CADM2: variants seen among roughly 807,000 people sequenced by gnomAD.
CADM2 encodes immunoglobulin superfamily member 4D.
Under a neutral mutation model 49.8 loss-of-function variants are expected in CADM2, and 12 were observed. That is an observed-to-expected ratio of 0.24 (90% CI 0.15 to 0.39). The LOEUF (loss-of-function observed/expected upper bound fraction) is 0.39, where lower values mean the gene tolerates loss of function less well. Ranked by LOEUF, CADM2 falls within the 10% of genes least tolerant of loss-of-function variation. The probability of loss-of-function intolerance (pLI) is 1.00; values close to 1 mark genes in which losing one functional copy is unlikely to be tolerated. For synonymous variants in CADM2, 214 were observed against 175.4 expected (o/e 1.22, Z -1.74); for missense variants, 378 against 492.3 (o/e 0.77, Z 2.20).
At chr3:85,918,404 G>C (rs1718664478) in intron 6 of CADM2, among the ~76,000 whole-genome samples, 2 of 152,132 alleles carry the variant, frequency 1.3e-5, no homozygotes, top group Non-Finnish European at 2.9e-5. Flanking sequence ...AGCATCTATT[G>C]AGATAATCAT....
rs145522400 is a variant in CADM2, at chr3:85,266,004, A to G, written c.61+306336A>G. ...AGAGCCAAAGTTGTCAACTTTTCAAACAGTAACTTGTTTTCTATGCCCTTA... is the reference window on the plus strand; with the variant it reads ...AGAGCCAAAGTTGTCAACTTTTCAAGCAGTAACTTGTTTTCTATGCCCTTA... On this transcript the variant is annotated intron_variant, in intron 1 of 9. Transcript: ENST00000383699. Among the ~76,000 whole-genome samples the G allele has an allele frequency of 7.2e-5, 11 of 152,018 alleles. No homozygotes were observed. In the East Asian group the frequency reaches 2.1e-3, roughly 30 times the overall value.
intron 1 of CADM2, among the ~76,000 whole-genome samples, chr3:85,725,138 C>A (rs548436557): frequency 6.6e-6 from 1 of 151,796 alleles, no homozygotes; most frequent in South Asian, 2.1e-4. Flanking sequence ...CCTAAAATAA[C>A]TTTGTTTTTA....
chr3:85,840,530 T>A (rs2074596892), intron 3 of CADM2, among the ~76,000 whole-genome samples: 1 of 151,918 alleles, frequency 6.6e-6, no homozygotes, highest in Non-Finnish European at 1.5e-5. Context: ...AAATGATTTA[T>A]TTAAAACAAC....
chr3:85,278,855 G>A (rs1404592571), intron 1 of CADM2, among the ~76,000 whole-genome samples: 1 of 151,154 alleles, frequency 6.6e-6, no homozygotes, highest in Admixed American at 6.6e-5. Flanking sequence ...TCTTGGGAAT[G>A]TTTCTGACTT....
intron 1 of CADM2, among the ~76,000 whole-genome samples, chr3:85,295,863 C>T (rs2043948920): frequency 6.6e-6 from 1 of 151,166 alleles, no homozygotes; most frequent in Non-Finnish European, 1.5e-5. Flanking sequence ...ACCAGCATGG[C>T]ACATGTATAC....
rs955139052 is a variant in CADM2 at position 84,984,046 on chromosome 3, T to C, written c.61+24378T>C. On this transcript the variant is annotated intron_variant, in intron 1 of 9. Transcript: ENST00000383699. ...TTCTTCATTGTGATATATATATATATATACACACACACACACACACACACA... is the reference window on the plus strand; with the variant it reads ...TTCTTCATTGTGATATATATATATACATACACACACACACACACACACACA... Among the ~76,000 whole-genome samples, 288 of 115,654 alleles carry C rather than the reference T, an allele frequency of 2.5e-3. 2 individuals are homozygous for C. Among genetic ancestry groups the C allele is most frequent in the Middle Eastern group, 0.012 (3 of 242 alleles). The allele number at this position is 115,654 out of a possible 152,430, so 75.9% of individuals were successfully genotyped here.
chr3:85,986,415 A>G (rs1728115812), intron 8 of CADM2, among the ~76,000 whole-genome samples: 1 of 147,850 alleles, frequency 6.8e-6, no homozygotes, highest in Non-Finnish European at 1.5e-5. Context: ...CAAATCAAGA[A>G]GTTGTTTATG....
chr3:86,027,025 GAAA>G (rs1313901310), intron 8 of CADM2, among the ~76,000 whole-genome samples: 1 of 151,632 alleles, frequency 6.6e-6, no homozygotes, highest in Non-Finnish European at 1.5e-5. Context: ...TAATACTCAA[GAAA>G]AAAAGACAAT....
intron 8 of CADM2, among the ~76,000 whole-genome samples, chr3:86,034,804 T>C (rs1734965800): frequency 6.6e-6 from 1 of 152,048 alleles, no homozygotes; most frequent in Admixed American, 6.6e-5. Context: ...ACCTCTTGTA[T>C]TGTCTCTGAA....
At chr3:85,348,867 CAT>C (rs1489137970) in intron 1 of CADM2, among the ~76,000 whole-genome samples, 1 of 152,044 alleles carries the variant, frequency 6.6e-6, no homozygotes, top group Non-Finnish European at 1.5e-5. Flanking sequence ...ATATAATAAT[CAT>C]ATATTCAGAA....
intron 3 of CADM2, among the ~76,000 whole-genome samples, chr3:85,855,592 A>C (rs1465836013): frequency 9.0e-6 from 1 of 110,798 alleles, no homozygotes; most frequent in Non-Finnish European, 1.6e-5. Flanking sequence ...AAACATATAT[A>C]TATATAAAAC....
chr3:85,863,791 T>A (rs2075624977), intron 3 of CADM2, among the ~76,000 whole-genome samples: 1 of 152,208 alleles, frequency 6.6e-6, no homozygotes, highest in Admixed American at 6.5e-5. Flanking sequence ...AATACATATT[T>A]GCTCAATGGA....
chr3:85,094,967 C>G (rs1321090513), intron 1 of CADM2, among the ~76,000 whole-genome samples: 4 of 152,016 alleles, frequency 2.6e-5, no homozygotes, highest in Non-Finnish European at 5.9e-5. Context: ...CCGAAAGGAC[C>G]ATGTATATGA....
chr3:85,233,714 A>C (rs534399412), intron 1 of CADM2, among the ~76,000 whole-genome samples: 19 of 152,126 alleles, frequency 1.2e-4, no homozygotes, highest in African/African-American at 4.6e-4. Context: ...TTTTGTTTAT[A>C]ATGGTTTAAA....
At chr3:85,449,383 A>G (rs763017505) in intron 1 of CADM2, among the ~76,000 whole-genome samples, 1 of 152,026 alleles carries the variant, frequency 6.6e-6, no homozygotes, top group Non-Finnish European at 1.5e-5. Flanking sequence ...TTGCACTTGC[A>G]TGAACTATCA....
intron 1 of CADM2, among the ~76,000 whole-genome samples, chr3:85,331,035 A>C (rs2044909254): frequency 6.6e-6 from 1 of 152,154 alleles, no homozygotes; most frequent in African/African-American, 2.4e-5. Flanking sequence ...TATGGGGTAC[A>C]TGCAATGTTT....
At chr3:85,039,150 C>T (rs1042525836) in intron 1 of CADM2, among the ~76,000 whole-genome samples, 3 of 152,012 alleles carry the variant, frequency 2.0e-5, no homozygotes, top group Non-Finnish European at 4.4e-5. Flanking sequence ...TAGAGGTACC[C>T]GCAACCACAC....
chr3:85,683,047 G>C (rs767830408), intron 1 of CADM2, among the ~76,000 whole-genome samples: 3 of 151,742 alleles, frequency 2.0e-5, no homozygotes, highest in Non-Finnish European at 4.4e-5. Context: ...AAAGCTTCAG[G>C]GTTTATTATT....
intron 1 of CADM2, chr3:84,960,343 A>G (rs1222617107): frequency 2.0e-5 from 3 of 152,234 alleles, no homozygotes; most frequent in South Asian, 2.1e-4. Context: ...AGGAAAAAGA[A>G]TAAGAAAAAA....
Sources: gnomAD v4.1 joint callset for allele counts (sites outside exome capture counted in the v4.1 genomes callset) on GRCh38, gnomAD v4.1.1 for gene constraint, MANE v1.5 for transcripts, NCBI Gene and HGNC (gene_info 2026-07-23, HGNC 2026-07-21) for gene names.